Variants in GRM5 observed in about 807,000 individuals in gnomAD.
GRM5 encodes the protein glutamate metabotropic receptor 5, also known as metabotropic glutamate receptor 5.
GRM5 carries 19 observed loss-of-function variants against 83.1 expected under a neutral mutation model. That is an observed-to-expected ratio of 0.23 (90% CI 0.16 to 0.34). The LOEUF is 0.34. Ranked by LOEUF, GRM5 falls within the 10% of genes least tolerant of loss-of-function variation. GRM5 has a pLI of 1.00. For missense variants in GRM5, 1,160 were observed against 1,588.3 expected (o/e 0.73, Z 4.58); for synonymous variants, 675 against 633.6 (o/e 1.07, Z -0.98).
chr11:88,606,011 C>T (rs1565357943), intron 4 of GRM5, among the ~76,000 whole-genome samples: 1 of 152,146 alleles, frequency 6.6e-6, no homozygotes, highest in African/African-American at 2.4e-5. Context: ...TGAATCAGAC[C>T]TGGAAGCTCT....
intron 2 of GRM5, among the ~76,000 whole-genome samples, chr11:89,031,458 A>G (rs543121856): frequency 2.0e-5 from 3 of 152,016 alleles, no homozygotes; most frequent in East Asian, 1.9e-4. Flanking sequence ...GAAAAATAAA[A>G]AAGACTCTGA....
At chr11:89,050,150 C>T (rs992462148) in intron 1 of GRM5, among the ~76,000 whole-genome samples, 14 of 152,102 alleles carry the variant, frequency 9.2e-5, no homozygotes, top group Admixed American at 9.2e-4. Flanking sequence ...ATACAGTATA[C>T]ATGTTAAAAC....
At chr11:88,799,340 A>T (rs1052417467) in intron 3 of GRM5, among the ~76,000 whole-genome samples, 3 of 136,702 alleles carry the variant, frequency 2.2e-5, no homozygotes, top group Non-Finnish European at 4.6e-5. Context: ...TATCAACAAT[A>T]GTTAAGTTAG....
Position 88,698,080 on chromosome 11 carries a change from C to T in GRM5, c.912-44677G>A, listed in dbSNP as rs538313718. Reference sequence around the variant, plus strand: ...AGACTCAAAATTCTTTACTGTCATTCAGACTCGTCCTCTGCCAATCCATTC... The same window carrying T: ...AGACTCAAAATTCTTTACTGTCATTTAGACTCGTCCTCTGCCAATCCATTC... On this transcript the variant is annotated intron_variant, in intron 3 of 9. Coordinates refer to ENST00000305447, the MANE Select transcript of GRM5 (RefSeq NM_001143831.3). Among the ~76,000 whole-genome samples, 6 of 152,284 alleles carry T rather than the reference C, an allele frequency of 3.9e-5. No homozygotes were observed. The South Asian group carries it at 6.2e-4, about 16-fold the overall frequency.
chr11:88,880,365 T>C (rs1393566652), intron 2 of GRM5, among the ~76,000 whole-genome samples: 1 of 152,134 alleles, frequency 6.6e-6, no homozygotes, highest in Non-Finnish European at 1.5e-5. Flanking sequence ...GAGTAAAAAC[T>C]GTACATTTTG....
chr11:88,680,773 C>A (rs1940461084), intron 3 of GRM5, among the ~76,000 whole-genome samples: 1 of 152,144 alleles, frequency 6.6e-6, no homozygotes. Context: ...TGTCTACATC[C>A]CACCTTCTAT....
chr11:88,807,513 T>G lies in GRM5; in HGVS notation c.911+42393A>C, dbSNP rs142229259. Among the ~76,000 whole-genome samples the G allele has an allele frequency of 1.5e-4, 23 of 152,220 alleles. No homozygotes were observed. In the East Asian group the frequency reaches 4.2e-3, roughly 28 times the overall value. ...TGCTCAAATGGGAAGCAATTAAGAT[T>G]GAAACTAGATTGGTGTCAGTGGGAG... On this transcript the variant is annotated intron_variant, in intron 3 of 9. Transcript: ENST00000305447.
At chr11:88,520,150 C>T (rs1418821473) in intron 9 of GRM5, among the ~76,000 whole-genome samples, 1 of 152,128 alleles carries the variant, frequency 6.6e-6, no homozygotes, top group African/African-American at 2.4e-5. Flanking sequence ...CTTGGGAGAA[C>T]TTAATGCAGA....
rs145341261 is a variant in GRM5, at chr11:88,606,280, T to C, written c.1148-1316A>G. Among the ~76,000 whole-genome samples the C allele has an allele frequency of 9.1e-3, 1,391 of 152,304 alleles. 20 individuals carry two copies. The highest frequency in any genetic ancestry group is 0.032 in the African/African-American group (1,320 of 41,564). Reference sequence around the variant, plus strand: ...GCTCACGCCTGTAATCCCAACACTTTAGGAGGCTGAGGCGAGTGGATCACC... The same window carrying C: ...GCTCACGCCTGTAATCCCAACACTTCAGGAGGCTGAGGCGAGTGGATCACC... On this transcript the variant is annotated intron_variant, in intron 4 of 9. Coordinates refer to ENST00000305447, the MANE Select transcript of GRM5 (RefSeq NM_001143831.3).
intron 1 of GRM5, among the ~76,000 whole-genome samples, chr11:89,061,618 G>A (rs1227099865): frequency 6.6e-6 from 1 of 152,154 alleles, no homozygotes; most frequent in Non-Finnish European, 1.5e-5. Context: ...AGTTTTTGCT[G>A]GTTGGTTATA....
chr11:88,847,653 A>G (rs937716004), intron 3 of GRM5, among the ~76,000 whole-genome samples: 2 of 152,304 alleles, frequency 1.3e-5, no homozygotes, highest in Admixed American at 6.5e-5. Context: ...AATTTGGAGT[A>G]AGGAAGACCT....
chr11:88,828,663 A>G (rs1943934882), intron 3 of GRM5, among the ~76,000 whole-genome samples: 1 of 152,168 alleles, frequency 6.6e-6, no homozygotes, highest in African/African-American at 2.4e-5. Context: ...AAATCAAGAA[A>G]ATAGTATCAT....
chr11:89,060,038 C>A (rs768646090), intron 1 of GRM5, among the ~76,000 whole-genome samples: 15 of 152,048 alleles, frequency 9.9e-5, no homozygotes, highest in South Asian at 4.1e-4. Flanking sequence ...GAGATTCAAA[C>A]CCAGGCAATT....
intron 3 of GRM5, among the ~76,000 whole-genome samples, chr11:88,731,352 C>T (rs891352640): frequency 1.3e-5 from 2 of 152,148 alleles, no homozygotes; most frequent in East Asian, 1.9e-4. Context: ...GCTTGAAAAG[C>T]GCACTCCCAT....
rs1939656489 is a variant in GRM5, at chr11:88,985,010, C to T, written c.661+62202G>A. The T allele has an allele frequency of 8.0e-6, 4 of 497,736 alleles. No individual in the cohort carries two copies. In the East Asian group the frequency reaches 1.3e-4, roughly 16 times the overall value. 30.8% of individuals were successfully genotyped at this position (497,736 alleles called of 1,614,324 possible). A position where few individuals can be genotyped will look rare whatever the true frequency, so the allele number is the denominator to read the frequency against. On this transcript the variant is annotated intron_variant, in intron 2 of 9. Coordinates refer to ENST00000305447, the MANE Select transcript of GRM5 (RefSeq NM_001143831.3). ...TCTGGTACTCAATTTTACTCCATTC[C>T]ACTTAATCATTTATTAAGTCCTTTG...
At chr11:89,037,526 C>T (rs775925542) in intron 2 of GRM5, among the ~76,000 whole-genome samples, 1 of 152,078 alleles carries the variant, frequency 6.6e-6, no homozygotes, top group African/African-American at 2.4e-5. Flanking sequence ...TGAAATAATT[C>T]TCATTTAAGT....
Position 89,047,517 on chromosome 11 carries a change from G to T in GRM5, c.356C>A (p.Ser119Tyr), listed in dbSNP as rs774109600. The change falls in exon 2 of 10, where the codon TCT becomes TAT. Residue 119 changes from serine (S) to tyrosine (Y), a missense_variant. By Grantham distance (144) the Ser-to-Tyr change is moderately radical. This residue lies in a region of GRM5 where 39 missense variants were observed against 36.7 expected (regional missense o/e 1.06). Coordinates refer to ENST00000305447, the MANE Select transcript of GRM5 (RefSeq NM_001143831.3). The surrounding 1 kb of genome is among the most constrained non-coding windows in gnomAD (Gnocchi z 5.1). ...TACCAAGCCTTCTTCCTCTTCTGAA[G>T]AAATGAGGGAATCTCTTATGAACTC... ...SIEFIRDSLI[S>Y]SEEEEGLVRC... 2 of 1,614,072 alleles carry T rather than the reference G, an allele frequency of 1.2e-6. No individual in the cohort carries two copies.
intron 2 of GRM5, among the ~76,000 whole-genome samples, chr11:89,007,075 G>C (rs1193892714): frequency 2.6e-5 from 4 of 152,194 alleles, no homozygotes; most frequent in Non-Finnish European, 4.4e-5. Context: ...GGGATTACAG[G>C]CGTGAGCCAC....
chr11:89,036,699 ACT>A (rs1941394758), intron 2 of GRM5, among the ~76,000 whole-genome samples: 1 of 83,012 alleles, frequency 1.2e-5, no homozygotes, highest in Non-Finnish European at 2.4e-5. Flanking sequence ...AACTAGCAAG[ACT>A]ATTAATCAGT....
Sources: allele counts gnomAD v4.1 joint callset (sites outside exome capture counted in the v4.1 genomes callset), GRCh38; gene constraint gnomAD v4.1.1; regional missense constraint gnomAD v4.1.1; non-coding constraint Gnocchi (gnomAD v3.1); transcripts MANE v1.5; gene names NCBI Gene and HGNC (gene_info 2026-07-23, HGNC 2026-07-21).